CCDC39: variants seen among roughly 807,000 people sequenced by gnomAD.
The protein encoded by CCDC39 is coiled-coil domain 39 molecular ruler complex subunit, also known as coiled-coil domain-containing protein 39.
Under a neutral mutation model 121.0 loss-of-function variants are expected in CCDC39, and 113 were observed. The observed-to-expected ratio is 0.93, with a 90% CI of 0.80 to 1.09. CCDC39 has a LOEUF of 1.09. Ranked by LOEUF, CCDC39 falls within the 50% of genes least tolerant of loss-of-function variation. The probability of loss-of-function intolerance (pLI) is 0.00; values close to 1 mark genes in which losing one functional copy is unlikely to be tolerated. For missense variants in CCDC39, 1,063 were observed against 1,074.7 expected (o/e 0.99, Z 0.15); for synonymous variants, 349 against 352.2 (o/e 0.99, Z 0.10).
chr3:180,658,625 C>A (rs917311530), intron 6 of CCDC39, among the ~76,000 whole-genome samples: 10 of 151,780 alleles, frequency 6.6e-5, no homozygotes, highest in Non-Finnish European at 1.3e-4. Context: ...ATTAAGAGAA[C>A]CTCATAGTTA....
intron 14 of CCDC39, among the ~76,000 whole-genome samples, chr3:180,625,374 C>G (rs1271658261): frequency 6.8e-6 from 1 of 146,996 alleles, no homozygotes; most frequent in East Asian, 2.0e-4. Flanking sequence ...AAGATATCTC[C>G]TTGGTGAATT....
At chr3:180,671,664 G>A (rs922849839) in intron 1 of CCDC39, among the ~76,000 whole-genome samples, 23 of 152,038 alleles carry the variant, frequency 1.5e-4, no homozygotes, top group Non-Finnish European at 2.9e-4. Flanking sequence ...GTGTTCAAGC[G>A]ATTGTCCTTC....
At chr3:180,633,536 GGA>G (rs889274044) in intron 13 of CCDC39, among the ~76,000 whole-genome samples, 14 of 152,196 alleles carry the variant, frequency 9.2e-5, no homozygotes, top group Admixed American at 5.2e-4. Context: ...TGAGCAATCT[GGA>G]GAGAGAGACA....
intron 14 of CCDC39, among the ~76,000 whole-genome samples, chr3:180,626,216 A>G (rs1045288181): frequency 9.9e-5 from 15 of 152,104 alleles, no homozygotes; most frequent in African/African-American, 3.6e-4. Flanking sequence ...CCCCAACTTC[A>G]GACTCTAGCA....
At chr3:180,670,509 C>T (rs1427833566) in intron 1 of CCDC39, among the ~76,000 whole-genome samples, 3 of 152,040 alleles carry the variant, frequency 2.0e-5, no homozygotes, top group Admixed American at 1.3e-4. Flanking sequence ...CTTTAAGAAG[C>T]TTTGATATTC....
intron 16 of CCDC39, chr3:180,617,698 C>A (rs893723924): frequency 5.1e-6 from 2 of 391,220 alleles, no homozygotes; most frequent in African/African-American, 4.1e-5. Context: ...ACAATGAGTG[C>A]TTAAGCTAAA....
chr3:180,616,152 G>A (rs551869353), intron 19 of CCDC39, 129 bp downstream of exon 19: 2 of 740,670 alleles, frequency 2.7e-6, no homozygotes, highest in East Asian at 5.4e-5. Context: ...TGAGATGTCT[G>A]ACAGTGAAAA....
At chr3:180,648,469 A>T (rs1718125105) in intron 9 of CCDC39, 110 bp from the exon 10 acceptor site, 3 of 726,310 alleles carry the variant, frequency 4.1e-6, no homozygotes, top group Admixed American at 3.1e-5. Context: ...CCACTATTTT[A>T]GCCCTTTAGA....
chr3:180,677,215 T>TATATATAA (rs1203940702), intron 1 of CCDC39, among the ~76,000 whole-genome samples: 2 of 110,424 alleles, frequency 1.8e-5, no homozygotes, highest in African/African-American at 6.7e-5. Flanking sequence ...TATATATATA[T>TATATATAA]AAAATCACAG....
intron 9 of CCDC39, among the ~76,000 whole-genome samples, chr3:180,650,584 T>C (rs569250475): frequency 1.6e-4 from 24 of 152,078 alleles, no homozygotes; most frequent in Admixed American, 7.9e-4. Context: ...TAGCCAGGCA[T>C]GGTGGCTCAC....
chr3:180,642,947 T>C (rs1717990833), intron 12 of CCDC39, among the ~76,000 whole-genome samples: 1 of 151,694 alleles, frequency 6.6e-6, no homozygotes, highest in Non-Finnish European at 1.5e-5. Flanking sequence ...ATTTACAATA[T>C]TTATGACAGA....
intron 7 of CCDC39, among the ~76,000 whole-genome samples, chr3:180,653,663 G>A (rs1711518623): frequency 6.6e-6 from 1 of 152,130 alleles, no homozygotes; most frequent in South Asian, 2.1e-4. Flanking sequence ...CAAAGCTGGA[G>A]GCAACATACT....
chr3:180,653,248 C>G (rs907539687), intron 7 of CCDC39, among the ~76,000 whole-genome samples: 2 of 152,184 alleles, frequency 1.3e-5, no homozygotes, highest in Non-Finnish European at 2.9e-5. Context: ...ATAAAGACCA[C>G]TGCAACCTTG....
At chr3:180,616,730 G>A (rs759533724) in intron 17 of CCDC39, 35 bp from the exon 18 acceptor site, 63 of 1,570,550 alleles carry the variant, frequency 4.0e-5, no homozygotes, top group African/African-American at 1.8e-4. Context: ...TTCTATAAAC[G>A]TGTTTACCAG....
intron 16 of CCDC39, chr3:180,617,298 A>G (rs939331914): frequency 1.5e-5 from 7 of 469,378 alleles, no homozygotes; most frequent in Non-Finnish European, 2.6e-5. Flanking sequence ...AATTATGTAC[A>G]GTGCATAATA....
intron 9 of CCDC39, among the ~76,000 whole-genome samples, chr3:180,650,151 T>G (rs1439507026): frequency 6.6e-6 from 1 of 152,146 alleles, no homozygotes; most frequent in African/African-American, 2.4e-5. Flanking sequence ...AGTTCACACT[T>G]ATAGTTCACT....
chr3:180,670,908 C>T (rs73187954), intron 1 of CCDC39, among the ~76,000 whole-genome samples: 2,966 of 152,084 alleles, frequency 0.02, 36 homozygotes, highest in Non-Finnish European at 0.027. Context: ...CATGGCAACA[C>T]CCAGAAGTGA....
intron 5 of CCDC39, 42 bp from the exon 6 acceptor site, chr3:180,659,622 G>T (rs1323140278): frequency 6.2e-7 from 1 of 1,604,554 alleles, no homozygotes; most frequent in Non-Finnish European, 8.5e-7. Flanking sequence ...GAATTTAAGT[G>T]GTTTTGCAAA....
At chr3:180,674,184 G>C (rs1267169651) in intron 1 of CCDC39, among the ~76,000 whole-genome samples, 1 of 152,014 alleles carries the variant, frequency 6.6e-6, no homozygotes, top group African/African-American at 2.4e-5. Context: ...TCCTTGAAGA[G>C]GTCTTTCACA....
Sources: gnomAD v4.1 joint callset for allele counts (sites outside exome capture counted in the v4.1 genomes callset) on GRCh38, gnomAD v4.1.1 for gene constraint, MANE v1.5 for transcripts, NCBI Gene and HGNC (gene_info 2026-07-23, HGNC 2026-07-21) for gene names.